Variants in SCN9A observed in about 807,000 individuals in gnomAD.
SCN9A encodes the protein sodium channel protein type 9 subunit alpha.
A neutral mutation model predicts 187.0 loss-of-function variants in SCN9A; 131 were observed. The ratio of observed to expected loss-of-function variants is 0.70; its 90% CI spans 0.61 to 0.81. SCN9A has a LOEUF of 0.81. Ranked by LOEUF, SCN9A falls within the 30% of genes least tolerant of loss-of-function variation. The probability of loss-of-function intolerance (pLI) is 0.00; values close to 1 mark genes in which losing one functional copy is unlikely to be tolerated. For missense variants in SCN9A, 2,252 were observed against 2,396.6 expected, an observed-to-expected ratio of 0.94 and a Z score of 1.26; for synonymous variants, 809 against 808.6, an observed-to-expected ratio of 1.00 and a Z score of -0.01.
intron 18 of SCN9A, among the ~76,000 whole-genome samples, chr2:166,245,658 A>G (rs115173394): frequency 2.1e-3 from 322 of 152,158 alleles, no homozygotes; most frequent in African/African-American, 7.5e-3. Context: ...ATAAAATTTT[A>G]GATGAAAAAC....
At chr2:166,318,072 C>T (rs1699150547) in intron 1 of SCN9A, among the ~76,000 whole-genome samples, 1 of 152,062 alleles carries the variant, frequency 6.6e-6, no homozygotes, top group Admixed American at 6.6e-5. Context: ...GTCCCACTTC[C>T]CTCTCTATGT....
intron 20 of SCN9A, among the ~76,000 whole-genome samples, 164 bp from the exon 21 acceptor site, chr2:166,233,626 G>A (rs1695191648): frequency 6.6e-6 from 1 of 152,048 alleles, no homozygotes; most frequent in African/African-American, 2.4e-5. Flanking sequence ...GGATGTTTCT[G>A]TAAGGAAATA....
intron 11 of SCN9A, among the ~76,000 whole-genome samples, 197 bp downstream of exon 11, chr2:166,286,139 G>T (rs1185297544): frequency 6.6e-6 from 1 of 151,980 alleles, no homozygotes; most frequent in Non-Finnish European, 1.5e-5. Flanking sequence ...AAACTATAAG[G>T]TCTTTCAAAA....
At chr2:166,313,030 T>TTTTCTGAATTAAATAATATAGTTA (rs1699012400) in intron 1 of SCN9A, among the ~76,000 whole-genome samples, 4 of 133,484 alleles carry the variant, frequency 3.0e-5, no homozygotes, top group Non-Finnish European at 6.7e-5. Context: ...ATAGTTATTA[T>TTTTCTGAATTAAATAATATAGTTA]TTAATTTTCT....
Position 166,204,024 on chromosome 2 carries a change from G to C in SCN9A, c.4705C>G (p.Leu1569Val). The change falls in exon 26 of 27, where the codon CTC becomes GTC. Residue 1569 changes from leucine (L) to valine (V), a missense_variant. Coordinates refer to ENST00000642356, the MANE Select transcript of SCN9A (RefSeq NM_001365536.1). ...TGECVLKLISLRHYYFTVGWN... is the reference protein window; with the variant it reads ...TGECVLKLISVRHYYFTVGWN... ...CCTACAGTGAAGTAGTAGTGTCTGA[G>C]GGAGATCAGTTTTAGCACACATTCT... 6.2e-7 allele frequency: 1 copy of C among 1,606,746 alleles called. No individual in the cohort carries two copies. The highest frequency in any genetic ancestry group is 1.1e-5 in the South Asian group (1 of 90,874).
At position 166,199,556 on chromosome 2, in the gene SCN9A, TA is replaced by T. The variant is rs1320568689; in HGVS notation, c.5082del (p.Thr1695GlnfsTer10). 1 of 1,614,094 alleles carries T rather than the reference TA, an allele frequency of 6.2e-7. No individual in the cohort carries two copies. Among genetic ancestry groups the T allele is most frequent in the African/African-American group, 1.3e-5 (1 of 74,928 alleles). On this transcript the variant is annotated frameshift_variant, in exon 27 of 27. Coordinates refer to ENST00000642356, the MANE Select transcript of SCN9A (RefSeq NM_001365536.1). LOFTEE classifies it high-confidence loss of function. Reference protein sequence around the residue: ...FGNSMICLFQITTSAGWDGLL... With the variant: ...FGNSMICLFQXTTSAGWDGLL... The stretch of plus-strand genomic sequence containing the variant: ...AATCCATCCCAGCCAGCAGAGGTTG[TA>T]ATTTGGAACAGGCAAATCATACTGT...
chr2:166,346,869 C>T (rs1238199422), intron 1 of SCN9A, among the ~76,000 whole-genome samples: 2 of 152,062 alleles, frequency 1.3e-5, no homozygotes, highest in African/African-American at 2.4e-5. Context: ...CAGAAAGACA[C>T]AAAAATACAG....
intron 17 of SCN9A, among the ~76,000 whole-genome samples, chr2:166,257,858 A>T (rs1305277903): frequency 1.3e-5 from 2 of 151,518 alleles, no homozygotes; most frequent in Admixed American, 1.3e-4. Context: ...GGAATAAAAT[A>T]GTTTTCTATG....
intron 17 of SCN9A, among the ~76,000 whole-genome samples, chr2:166,253,844 A>T (rs1319909052): frequency 6.6e-6 from 1 of 151,846 alleles, no homozygotes; most frequent in Non-Finnish European, 1.5e-5. Flanking sequence ...CCCCCCTGCT[A>T]TTAGACACAA....
intron 1 of SCN9A, among the ~76,000 whole-genome samples, chr2:166,333,683 A>G (rs765533323): frequency 2.6e-5 from 4 of 152,010 alleles, no homozygotes; most frequent in African/African-American, 4.8e-5. Flanking sequence ...TTGATCTACA[A>G]CTTTTAAAAA....
intron 1 of SCN9A, among the ~76,000 whole-genome samples, chr2:166,336,599 A>T (rs146953750): frequency 6.6e-6 from 1 of 152,104 alleles, no homozygotes; most frequent in Non-Finnish European, 1.5e-5. Context: ...CCATTTAACA[A>T]TGCCAGGGTC....
intron 7 of SCN9A, among the ~76,000 whole-genome samples, chr2:166,298,444 C>G (rs1434424795): frequency 6.6e-6 from 1 of 152,138 alleles, no homozygotes; most frequent in Non-Finnish European, 1.5e-5. Context: ...CAAAGGAAAT[C>G]TACAAATTGT....
chr2:166,213,502 G>A (rs1694187597), intron 24 of SCN9A, among the ~76,000 whole-genome samples: 1 of 141,382 alleles, frequency 7.1e-6, no homozygotes, highest in African/African-American at 2.6e-5. Context: ...TAATGATAAT[G>A]ATAGTAACTC....
At chr2:166,229,827 G>A (rs114480401) in intron 21 of SCN9A, among the ~76,000 whole-genome samples, 3,162 of 152,152 alleles carry the variant, frequency 0.021, 120 homozygotes, top group African/African-American at 0.073. Context: ...CAATTCCTGT[G>A]GCATTTAACA....
At chr2:166,250,498 T>C (rs1336156797) in intron 18 of SCN9A, among the ~76,000 whole-genome samples, 1 of 152,090 alleles carries the variant, frequency 6.6e-6, no homozygotes, top group African/African-American at 2.4e-5. Flanking sequence ...GTGCACAAGT[T>C]CTCACAGGCA....
chr2:166,279,913 G>A (rs1224055866), intron 14 of SCN9A, among the ~76,000 whole-genome samples: 1 of 152,050 alleles, frequency 6.6e-6, no homozygotes, highest in Admixed American at 6.6e-5. Flanking sequence ...TGCAGAATCA[G>A]CATTCAAACC....
intron 7 of SCN9A, among the ~76,000 whole-genome samples, chr2:166,296,947 C>T (rs1698326474): frequency 6.6e-6 from 1 of 151,894 alleles, no homozygotes; most frequent in African/African-American, 2.4e-5. Flanking sequence ...CCTGTAATGC[C>T]AGCACTTTGG....
In SCN9A at chr2:166,306,706, T is replaced by G; in HGVS notation, c.378-107A>C. 3.7e-6 allele frequency: 3 copies of G among 814,630 alleles called. No homozygotes were observed. The South Asian group carries it at 4.4e-5, about 12-fold the overall frequency. The allele number at this position is 814,630 out of a possible 1,614,324, so 50.5% of individuals were successfully genotyped here. A position where few individuals can be genotyped will look rare whatever the true frequency, so the allele number is the denominator to read the frequency against. ...CTTTTCCTAAGAAAAAAATTCTAAATGAGCTTGTAGACTATTTTGTCTCTT... is the reference window on the plus strand; with the variant it reads ...CTTTTCCTAAGAAAAAAATTCTAAAGGAGCTTGTAGACTATTTTGTCTCTT... On this transcript the variant is annotated intron_variant, in intron 3 of 26. Coordinates refer to ENST00000642356, the MANE Select transcript of SCN9A (RefSeq NM_001365536.1).
chr2:166,201,172 T>TTA (rs935558444), intron 26 of SCN9A, among the ~76,000 whole-genome samples: 7 of 149,702 alleles, frequency 4.7e-5, no homozygotes, highest in Admixed American at 6.7e-5. Flanking sequence ...ATATATATGT[T>TTA]TATATATATA....
Sources: allele counts gnomAD v4.1 joint callset (sites outside exome capture counted in the v4.1 genomes callset), GRCh38; gene constraint gnomAD v4.1.1; transcripts MANE v1.5; gene names NCBI Gene and HGNC (gene_info 2026-07-23, HGNC 2026-07-21).